The following NRG1 variants were observed in gnomAD, a reference collection of about 807,000 sequenced individuals.
NRG1 encodes the protein pro-neuregulin-1, membrane-bound isoform.
A neutral mutation model predicts 63.8 loss-of-function variants in NRG1; 18 were observed. That is an observed-to-expected ratio of 0.28 (90% CI 0.19 to 0.42). The LOEUF (loss-of-function observed/expected upper bound fraction) is 0.42, where lower values mean the gene tolerates loss of function less well. NRG1 is among the 10% of genes least tolerant of loss of function. NRG1 has a pLI of 1.00. For missense variants in NRG1, 762 were observed against 814.7 expected, an observed-to-expected ratio of 0.94 and a Z score of 0.79; for synonymous variants, 302 against 301.3, an observed-to-expected ratio of 1.00 and a Z score of -0.02.
intron 1 of NRG1, among the ~76,000 whole-genome samples, chr8:31,727,076 A>G (rs191990653): frequency 3.3e-5 from 5 of 152,246 alleles, no homozygotes; most frequent in Admixed American, 3.3e-4. Context: ...GGCAAGGAGT[A>G]TTTATCTGTT....
chr8:32,558,937 G>A (rs745983435), intron 1 of NRG1, among the ~76,000 whole-genome samples: 1 of 151,746 alleles, frequency 6.6e-6, no homozygotes, highest in African/African-American at 2.4e-5. Context: ...AAAGTTAGCC[G>A]GGCAAGGTGG....
intron 1 of NRG1, among the ~76,000 whole-genome samples, chr8:32,064,056 G>A (rs545120278): frequency 3.3e-5 from 5 of 152,044 alleles, no homozygotes; most frequent in African/African-American, 1.2e-4. Flanking sequence ...TTTAAAACAA[G>A]CAGGCACAAA....
chr8:32,725,441 T>A (rs1378163026), intron 5 of NRG1, among the ~76,000 whole-genome samples: 1 of 150,734 alleles, frequency 6.6e-6, no homozygotes, highest in African/African-American at 2.4e-5. Flanking sequence ...ACAAAACCTT[T>A]AACATTCGAG....
rs1039027738 is a variant in NRG1 at position 32,205,953 on chromosome 8, T to A, written c.38-389875T>A. The stretch of plus-strand genomic sequence containing the variant: ...CTCTCTACAAAAAAAAAAAAAAAAA[T>A]ACAAATTAGCCATGTGTGGTGATGG... On this transcript the variant is annotated intron_variant, in intron 1 of 10. Coordinates refer to the NRG1 transcript ENST00000519301. Among the ~76,000 whole-genome samples, 37 of 130,340 alleles carry A rather than the reference T, an allele frequency of 2.8e-4. No individual in the cohort carries two copies. In the South Asian group the frequency reaches 8.8e-3, roughly 31 times the overall value. 85.5% of individuals were successfully genotyped at this position (130,340 alleles called of 152,430 possible).
intron 1 of NRG1, among the ~76,000 whole-genome samples, chr8:31,897,603 G>A (rs1426613012): frequency 6.6e-6 from 1 of 152,102 alleles, no homozygotes; most frequent in South Asian, 2.1e-4. Flanking sequence ...GCTACCTGGA[G>A]GCTTCTTCTG....
chr8:32,384,183 G>A (rs948884040), intron 1 of NRG1, among the ~76,000 whole-genome samples: 1 of 152,164 alleles, frequency 6.6e-6, no homozygotes, highest in Non-Finnish European at 1.5e-5. Context: ...GCTGCAGTGA[G>A]TTGTGATTGC....
At chr8:32,178,410 G>T (rs1013589867) in intron 1 of NRG1, among the ~76,000 whole-genome samples, 4 of 152,150 alleles carry the variant, frequency 2.6e-5, no homozygotes, top group African/African-American at 9.7e-5. Context: ...AGCAGTTAGA[G>T]ACCAGCCTGA....
rs1356973622 is a variant in NRG1, at chr8:32,635,056, TCA to T, written c.502+18174_502+18175del. 3.3e-5 allele frequency among the ~76,000 whole-genome samples: 5 copies of T among 152,352 alleles called. No individual in the cohort carries two copies. In the East Asian group the frequency reaches 9.6e-4, roughly 29 times the overall value. Reference sequence around the variant, plus strand: ...ACAATGTCTGACCTGTTTCTGTTTTTCACAGTCAGGCTTCTCTTCCATTTTCT... The same window carrying T: ...ACAATGTCTGACCTGTTTCTGTTTTTCAGTCAGGCTTCTCTTCCATTTTCT... On this transcript the variant is annotated intron_variant, in intron 5 of 11. Transcript: ENST00000356819.
intron 1 of NRG1, among the ~76,000 whole-genome samples, chr8:32,518,429 G>C (rs1038333733): frequency 6.6e-6 from 1 of 152,142 alleles, no homozygotes; most frequent in Non-Finnish European, 1.5e-5. Context: ...TCCCAATTGT[G>C]TGGGTGACAA....
intron 1 of NRG1, among the ~76,000 whole-genome samples, chr8:31,927,995 T>TA (rs367890417): frequency 0.86 from 119,868 of 139,692 alleles, 51,995 homozygotes; most frequent in Non-Finnish European, 0.9. Flanking sequence ...TAGGTATATT[T>TA]AAAAAAAAAA....
chr8:32,071,669 T>G (rs547073598), intron 1 of NRG1, among the ~76,000 whole-genome samples: 1 of 152,318 alleles, frequency 6.6e-6, no homozygotes, highest in South Asian at 2.1e-4. Flanking sequence ...TCTTTCATGA[T>G]AACTATTTTT....
chr8:32,405,759 C>T (rs534582757), intron 1 of NRG1, among the ~76,000 whole-genome samples: 1 of 152,136 alleles, frequency 6.6e-6, no homozygotes, highest in South Asian at 2.1e-4. Flanking sequence ...ATAATGCCCT[C>T]TTGAATATAT....
At chr8:31,844,237 C>A (rs1826463719) in intron 1 of NRG1, among the ~76,000 whole-genome samples, 2 of 152,138 alleles carry the variant, frequency 1.3e-5, no homozygotes, top group Admixed American at 1.3e-4. Context: ...TGTTTTGAAA[C>A]CTGCCCATCC....
At chr8:31,757,214 C>G (rs2131493375) in intron 1 of NRG1, among the ~76,000 whole-genome samples, 1 of 152,002 alleles carries the variant, frequency 6.6e-6, no homozygotes. Flanking sequence ...CTACTCTTTA[C>G]CAAAAGGTGG....
chr8:32,554,950 C>A (rs1355386379), intron 1 of NRG1, among the ~76,000 whole-genome samples: 3 of 149,946 alleles, frequency 2.0e-5, no homozygotes, highest in African/African-American at 4.9e-5. Context: ...TAAGTTACTG[C>A]AGTATTCTGG....
chr8:32,257,123 A>C (rs1849813939), intron 1 of NRG1, among the ~76,000 whole-genome samples: 1 of 152,120 alleles, frequency 6.6e-6, no homozygotes, highest in African/African-American at 2.4e-5. Context: ...GTAATGGTGG[A>C]CACCCCTCCC....
At chr8:31,784,577 C>A (rs951724585) in intron 1 of NRG1, among the ~76,000 whole-genome samples, 1 of 152,092 alleles carries the variant, frequency 6.6e-6, no homozygotes, top group Non-Finnish European at 1.5e-5. Flanking sequence ...CTAGTTGAAT[C>A]AGAAAACAAT....
chr8:32,761,841 C>A (rs1830728207), intron 11 of NRG1, among the ~76,000 whole-genome samples: 1 of 151,522 alleles, frequency 6.6e-6, no homozygotes. Context: ...GAGATCAAGA[C>A]CATCCTGGCC....
chr8:31,929,543 A>G (rs1834695096), intron 1 of NRG1, among the ~76,000 whole-genome samples: 1 of 152,082 alleles, frequency 6.6e-6, no homozygotes, highest in South Asian at 2.1e-4. Context: ...TGACATATAT[A>G]TAATATTTTG....
Sources: allele counts gnomAD v4.1 joint callset (sites outside exome capture counted in the v4.1 genomes callset), GRCh38; gene constraint gnomAD v4.1.1; transcripts MANE v1.5; gene names NCBI Gene and HGNC (gene_info 2026-07-23, HGNC 2026-07-21).